Variants in DNAH1 observed in about 807,000 individuals in gnomAD.
The protein encoded by DNAH1 is dynein axonemal heavy chain 1, also known as axonemal beta dynein heavy chain 1.
In DNAH1, 327 loss-of-function variants were observed where a neutral mutation model predicts 484.3. The ratio of observed to expected loss-of-function variants is 0.68; its 90% CI spans 0.62 to 0.74. The LOEUF is 0.74. Ranked by LOEUF, DNAH1 falls within the 30% of genes least tolerant of loss-of-function variation. The probability of loss-of-function intolerance (pLI) is 0.00; values close to 1 mark genes in which losing one functional copy is unlikely to be tolerated. For missense variants in DNAH1, 5,052 were observed against 5,546.8 expected, an observed-to-expected ratio of 0.91 and a Z score of 2.83; for synonymous variants, 2,192 against 2,191.9, an observed-to-expected ratio of 1.00 and a Z score of 0.00.
chr3:52,319,020 G>A (rs1221684234), intron 1 of DNAH1, among the ~76,000 whole-genome samples: 1 of 152,234 alleles, frequency 6.6e-6, no homozygotes, highest in Non-Finnish European at 1.5e-5. Context: ...GAGAACCACT[G>A]TTGTGATGCT....
chr3:52,373,961 A>T, intron 44 of DNAH1: 1 of 1,212,834 alleles, frequency 8.2e-7, no homozygotes. Flanking sequence ...GGCTTCATCT[A>T]CACTTATTTA....
rs1198269541 is a variant in DNAH1, at chr3:52,359,481, T to G, written c.4407+95T>G. ...CGGAAGCTTTCTCCTATAGTGAGCC[T>G]GGAAGAGGCCTGGGGTTGGGTCTAA... On this transcript the variant is annotated intron_variant, in intron 26 of 77. Transcript: ENST00000420323. The G allele has an allele frequency of 6.1e-6, 9 of 1,486,314 alleles. No individual in the cohort carries two copies. The Admixed American group carries it at 6.4e-5, about 11-fold the overall frequency. The allele number at this position is 1,486,314 out of a possible 1,614,324, so 92.1% of individuals were successfully genotyped here.
intron 50 of DNAH1, among the ~76,000 whole-genome samples, chr3:52,382,990 G>T (rs1253164878): frequency 6.6e-6 from 1 of 152,228 alleles, no homozygotes; most frequent in Non-Finnish European, 1.5e-5. Context: ...TCCCTTCAAG[G>T]CAGCCACTGT....
Position 52,362,147 on chromosome 3 carries a change from CAGG to C in DNAH1, c.4981-238_4981-236del, listed in dbSNP as rs1342642927. Among the ~76,000 whole-genome samples, 1 of 152,174 alleles carries C rather than the reference CAGG, an allele frequency of 6.6e-6. No homozygotes were observed. The highest frequency in any genetic ancestry group is 1.5e-5 in the Non-Finnish European group (1 of 68,016). The stretch of plus-strand genomic sequence containing the variant: ...AATTGGGGGTGGAGCGAGTGGGAAG[CAGG>C]AGATGTGGAGACCTCCAAGGGCCTG... On this transcript the variant is annotated intron_variant, in intron 30 of 77. Transcript: ENST00000420323. The surrounding 1 kb of genome is among the most constrained non-coding windows in gnomAD (Gnocchi z 5.1).
chr3:52,381,191 C>T lies in DNAH1; in HGVS notation c.7609-449C>T, dbSNP rs1254538230. 1.3e-5 allele frequency among the ~76,000 whole-genome samples: 2 copies of T among 152,180 alleles called. No homozygotes were observed. The highest frequency in any genetic ancestry group is 2.9e-5 in the Non-Finnish European group (2 of 68,036). On this transcript the variant is annotated intron_variant, in intron 48 of 77. Transcript: ENST00000420323. The surrounding 1 kb of genome is among the most constrained non-coding windows in gnomAD (Gnocchi z 4.1). ...ACTTGGCTTACTGCAGCCTCTACCT[C>T]ATGGGCTCTATCAGTCGTCCCACCT...
Position 52,350,093 on chromosome 3 carries a change from G to C in DNAH1, c.2631G>C (p.Arg877Ser), listed in dbSNP as rs1702310465. The C allele has an allele frequency of 6.2e-7, 1 of 1,611,964 alleles. No individual in the cohort carries two copies. The highest frequency in any genetic ancestry group is 1.7e-5 in the Admixed American group (1 of 59,922). ...LREWMKGIPE[R>S]LVGLEERIVK... ...AGTGGATGAAGGGCATCCCGGAGAG[G>C]CTGGTGGGCCTGGAGGTGAGGCAGG... The change falls in exon 15 of 78, where the codon AGG (arginine) becomes AGC (serine). Residue 877 changes from arginine (R) to serine (S), a missense_variant. Around this residue, in one of 4 missense-constraint regions of DNAH1, gnomAD observed 1,263 missense variants for 1,218.8 expected, o/e 1.04. Coordinates refer to ENST00000420323, the MANE Select transcript of DNAH1 (RefSeq NM_015512.5).
rs999484095 is a variant in DNAH1, at chr3:52,381,502, C to G, written c.7609-138C>G. 8.7e-6 allele frequency: 6 copies of G among 693,368 alleles called. No homozygotes were observed. The highest frequency in any genetic ancestry group is 1.4e-5 in the Non-Finnish European group (6 of 415,346). 43.0% of individuals were successfully genotyped at this position (693,368 alleles called of 1,614,324 possible). A position where few individuals can be genotyped will look rare whatever the true frequency, so the allele number is the denominator to read the frequency against. ...GGCTCGAGCCTGCAGGGGAAACATG[C>G]AGCTGGCCGGGTCACAGGTGGTCAA... On this transcript the variant is annotated intron_variant, in intron 48 of 77. Coordinates refer to ENST00000420323, the MANE Select transcript of DNAH1 (RefSeq NM_015512.5). The surrounding 1 kb of genome is among the most constrained non-coding windows in gnomAD (Gnocchi z 4.1).
At chr3:52,393,916 G>A (rs1269175219) in intron 66 of DNAH1, among the ~76,000 whole-genome samples, 6 of 152,188 alleles carry the variant, frequency 3.9e-5, no homozygotes. Flanking sequence ...ATAAATAAAA[G>A]CAGCCAGAAG....
At chr3:52,389,396 A>G in intron 59 of DNAH1, 65 bp from the exon 60 acceptor site, 2 of 1,601,466 alleles carry the variant, frequency 1.2e-6, no homozygotes, top group Non-Finnish European at 1.7e-6. Flanking sequence ...ACTGTGGCTT[A>G]GTGGGAGTTG....
intron 1 of DNAH1, among the ~76,000 whole-genome samples, chr3:52,316,983 T>G (rs1271266702): frequency 6.6e-6 from 1 of 152,176 alleles, no homozygotes; most frequent in Admixed American, 6.5e-5. Context: ...ACAGAAAAAA[T>G]TGGAAGACTA....
At chr3:52,397,361 T>C (rs551000922) in intron 73 of DNAH1, among the ~76,000 whole-genome samples, 3 of 152,182 alleles carry the variant, frequency 2.0e-5, no homozygotes, top group South Asian at 4.1e-4. Context: ...GCCACAGAAA[T>C]GATGCTTCCC....
rs534241076 is a variant in DNAH1, at chr3:52,392,719, C to A, written c.10278+30C>A. 38 of 1,576,294 alleles carry A rather than the reference C, an allele frequency of 2.4e-5. No individual in the cohort carries two copies. The African/African-American group carries it at 4.6e-4, about 19-fold the overall frequency. On this transcript the variant is annotated intron_variant, in intron 64 of 77. Coordinates refer to ENST00000420323, the MANE Select transcript of DNAH1 (RefSeq NM_015512.5). Reference sequence around the variant, plus strand: ...GCTGCTGCCTGCCCACCCACCTGCCCCGGGAGTGCCCCGGGCCTGCCCCCC... The same window carrying A: ...GCTGCTGCCTGCCCACCCACCTGCCACGGGAGTGCCCCGGGCCTGCCCCCC...
chr3:52,326,162 A>G lies in DNAH1; in HGVS notation c.429A>G (p.Glu143=). 1 of 1,609,442 alleles carries G rather than the reference A, an allele frequency of 6.2e-7. No homozygotes were observed. Among genetic ancestry groups the G allele is most frequent in the Non-Finnish European group, 8.5e-7 (1 of 1,177,360 alleles). ...TPRVGSFEVP[E]DFQERMEQQC... ...CAGTCGGAAGCTTTGAGGTTCCTGA[A>G]GACTTCCAGGAGCGCATGGAGCAGC... Residue 143 remains glutamate (E), a synonymous_variant, in exon 4 of 78, where the codon GAA becomes GAG. Transcript: ENST00000420323.
intron 7 of DNAH1, 94 bp from the exon 8 acceptor site, chr3:52,332,048 C>T: frequency 6.9e-7 from 1 of 1,453,014 alleles, no homozygotes; most frequent in Non-Finnish European, 9.2e-7. Flanking sequence ...TGTTCAGGGC[C>T]ACTGGGCATC....
chr3:52,361,197 C>G lies in DNAH1; in HGVS notation c.4719C>G (p.Leu1573=). Residue 1573 remains leucine (L), a synonymous_variant, in exon 29 of 78, where the codon CTC becomes CTG. Coordinates refer to ENST00000420323, the MANE Select transcript of DNAH1 (RefSeq NM_015512.5). The surrounding 1 kb of genome is among the most constrained non-coding windows in gnomAD (Gnocchi z 5.6). ...CYLTLTGALH[L]KFGGAPAGPA... is the part of the protein sequence containing the mutation. ...TGACACTGACCGGAGCTCTGCACCT[C>G]AAGTTTGGGGGTGCCCCAGCTGGCC... The G allele has an allele frequency of 6.2e-7, 1 of 1,612,104 alleles. No homozygotes were observed. Among genetic ancestry groups the G allele is most frequent in the Non-Finnish European group, 8.5e-7 (1 of 1,179,276 alleles).
intron 34 of DNAH1, among the ~76,000 whole-genome samples, chr3:52,366,011 C>T (rs1044170682): frequency 8.5e-5 from 13 of 152,238 alleles, no homozygotes; most frequent in Admixed American, 5.2e-4. Flanking sequence ...TTATTCCCTA[C>T]CCCTGTGGGC....
In DNAH1 at chr3:52,388,507, C is replaced by T. The variant is rs762180508; in HGVS notation, c.9261C>T (p.Gly3087=). The T allele has an allele frequency of 5.6e-6, 9 of 1,612,676 alleles. No homozygotes were observed. The East Asian group carries it at 2.0e-4, about 36-fold the overall frequency. ...AGCGCCTTCGTGAGGTGGAGGACGGCATCGCCACAATGCAGGCTAAGTACC... is the reference window on the plus strand; with the variant it reads ...AGCGCCTTCGTGAGGTGGAGGACGGTATCGCCACAATGCAGGCTAAGTACC... The part of the protein sequence containing the change: ...AKQRLREVED[G]IATMQAKYRE... Residue 3087 remains glycine (G), a synonymous_variant, in exon 58 of 78, where the codon GGC becomes GGT. Coordinates refer to ENST00000420323, the MANE Select transcript of DNAH1 (RefSeq NM_015512.5).
chr3:52,351,862 C>G, intron 16 of DNAH1, 100 bp from the exon 17 acceptor site: 3 of 1,421,632 alleles, frequency 2.1e-6, no homozygotes, highest in Non-Finnish European at 2.9e-6. Flanking sequence ...CCCCTTCTCA[C>G]TGGCTGCCTG....
chr3:52,318,634 C>T (rs968349858), intron 1 of DNAH1, among the ~76,000 whole-genome samples: 2 of 152,220 alleles, frequency 1.3e-5, no homozygotes, highest in Non-Finnish European at 2.9e-5. Flanking sequence ...CAGAGATCAG[C>T]GTTACTTGAA....
Sources: allele counts gnomAD v4.1 joint callset (sites outside exome capture counted in the v4.1 genomes callset), GRCh38; gene constraint gnomAD v4.1.1; regional missense constraint gnomAD v4.1.1; non-coding constraint Gnocchi (gnomAD v3.1); transcripts MANE v1.5; gene names NCBI Gene and HGNC (gene_info 2026-07-23, HGNC 2026-07-21).